Variants in IGDCC3 observed in about 807,000 individuals in gnomAD.
The protein encoded by IGDCC3 is putative neuronal cell adhesion molecule.
Under a neutral mutation model 72.0 loss-of-function variants are expected in IGDCC3, and 47 were observed. That is an observed-to-expected ratio of 0.65 (90% CI 0.52 to 0.83). The LOEUF (loss-of-function observed/expected upper bound fraction) is 0.83. Among genes scored for constraint, IGDCC3 ranks in the 40% least tolerant of loss-of-function variants. The pLI is 0.00. For synonymous variants in IGDCC3, 477 were observed against 472.8 expected (o/e 1.01, Z -0.11); for missense variants, 1,038 against 1,091.3 (o/e 0.95, Z 0.69).
intron 2 of IGDCC3, among the ~76,000 whole-genome samples, chr15:65,337,343 A>G (rs775840785): frequency 2.0e-4 from 30 of 151,976 alleles, no homozygotes; most frequent in Non-Finnish European, 1.2e-4. Flanking sequence ...CTCTTTGTAC[A>G]TGTGTGCGGG....
At chr15:65,350,402 A>T (rs1029414877) in intron 2 of IGDCC3, among the ~76,000 whole-genome samples, 1 of 151,002 alleles carries the variant, frequency 6.6e-6, no homozygotes, top group African/African-American at 2.4e-5. Flanking sequence ...CACCTGCCTC[A>T]ACCTCCCAAA....
At chr15:65,364,988 CT>C (rs1366841683) in intron 2 of IGDCC3, among the ~76,000 whole-genome samples, 3 of 152,180 alleles carry the variant, frequency 2.0e-5, no homozygotes, top group Admixed American at 2.0e-4. Context: ...GAGTGAGGCA[CT>C]GGGGAAGGCC....
intron 2 of IGDCC3, among the ~76,000 whole-genome samples, chr15:65,363,789 C>T (rs1339452328): frequency 2.0e-5 from 3 of 152,084 alleles, no homozygotes; most frequent in African/African-American, 7.2e-5. Context: ...CATCATTATG[C>T]GGAAACAAGA....
chr15:65,366,207 C>CAAAA (rs35152855), intron 2 of IGDCC3, among the ~76,000 whole-genome samples: 4 of 76,764 alleles, frequency 5.2e-5, no homozygotes, highest in Non-Finnish European at 8.1e-5. Flanking sequence ...GACATTGTCT[C>CAAAA]AAAAAAAAAA....
Position 65,327,657 on chromosome 15 carries a change from G to A in IGDCC3, c.*1252C>T, listed in dbSNP as rs2090930945. 1 of 152,546 alleles carries A rather than the reference G, an allele frequency of 6.6e-6. No homozygotes were observed. Among genetic ancestry groups the A allele is most frequent in the Admixed American group, 6.5e-5 (1 of 15,276 alleles). 9.4% of individuals were successfully genotyped at this position (152,546 alleles called of 1,614,324 possible). On this transcript the variant is annotated 3_prime_UTR_variant, in exon 14 of 14. Coordinates refer to ENST00000327987, the MANE Select transcript of IGDCC3 (RefSeq NM_004884.4). ...ACACAACAGAAAAGAGTAACAAAAA[G>A]TCACAAGAACATAACCCTTAACACA... is the stretch of plus-strand genomic sequence containing the variant.
intron 2 of IGDCC3, among the ~76,000 whole-genome samples, chr15:65,357,097 C>T (rs1478809994): frequency 6.6e-6 from 1 of 151,876 alleles, no homozygotes; most frequent in Non-Finnish European, 1.5e-5. Context: ...GGCAATCCGC[C>T]CACCTCAGCC....
intron 2 of IGDCC3, chr15:65,373,683 A>G (rs970038912): frequency 2.0e-5 from 3 of 152,606 alleles, no homozygotes; most frequent in African/African-American, 7.2e-5. Flanking sequence ...CTGCTACCAG[A>G]ATGCCATTGA....
chr15:65,333,691 T>C (rs879185891), intron 5 of IGDCC3, among the ~76,000 whole-genome samples: 1 of 152,192 alleles, frequency 6.6e-6, no homozygotes. Context: ...TTTCACAATC[T>C]GTAAAGGAGT....
rs71136346 is a variant in IGDCC3, at chr15:65,370,620, G to GTATATATA, written c.409+4469_409+4476dup. Among the ~76,000 whole-genome samples, 1,977 of 94,402 alleles carry GTATATATA rather than the reference G, an allele frequency of 0.021. 96 individuals are homozygous for GTATATATA. The East Asian group carries it at 0.22, about 10-fold the overall frequency. The allele number at this position is 94,402 out of a possible 152,430, so 61.9% of individuals were successfully genotyped here. Reference sequence around the variant, plus strand: ...TATGTATGTGTATATATATGTATGTGTATATATATATATATATATATATAT... The same window carrying GTATATATA: ...TATGTATGTGTATATATATGTATGTGTATATATATATATATATATATATATATATATAT... On this transcript the variant is annotated intron_variant, in intron 2 of 13. Transcript: ENST00000327987.
chr15:65,329,484 TG>T lies in IGDCC3; in HGVS notation c.2110del (p.Gln704SerfsTer11). 6.2e-7 allele frequency: 1 copy of T among 1,609,914 alleles called. No individual in the cohort carries two copies. The highest frequency in any genetic ancestry group is 8.5e-7 in the Non-Finnish European group (1 of 1,178,784). ...CACACGTTTCTCGTCTCGGCCCAGC[TG>T]GCCCCGCTGTCCCCGTCTCGCCCCA... ...LNGARRGQRG[Q>X]LGRDEKRVDM... On this transcript the variant is annotated frameshift_variant, in exon 13 of 14. Coordinates refer to ENST00000327987, the MANE Select transcript of IGDCC3 (RefSeq NM_004884.4). LOFTEE classifies it high-confidence loss of function. This position sits in a 1 kb window ranked among gnomAD's most constrained non-coding sequence, Gnocchi z 4.1.
intron 9 of IGDCC3, 87 bp from the exon 10 acceptor site, chr15:65,330,828 G>A: frequency 3.2e-6 from 4 of 1,240,290 alleles, no homozygotes; most frequent in Non-Finnish European, 4.5e-6. Context: ...ACCCCCAAAA[G>A]CCTGACAGCC....
intron 2 of IGDCC3, among the ~76,000 whole-genome samples, chr15:65,350,110 T>A (rs1293603284): frequency 6.6e-6 from 1 of 152,176 alleles, no homozygotes; most frequent in African/African-American, 2.4e-5. Flanking sequence ...TAATAAGAGA[T>A]CTGAAAGGAT....
chr15:65,340,094 A>AAG (rs2140145695), intron 2 of IGDCC3, among the ~76,000 whole-genome samples: 1 of 152,322 alleles, frequency 6.6e-6, no homozygotes, highest in African/African-American at 2.4e-5. Context: ...GAGTGAGCTT[A>AAG]GCAATTCACA....
chr15:65,354,461 A>G (rs903465451), intron 2 of IGDCC3, among the ~76,000 whole-genome samples: 3 of 152,126 alleles, frequency 2.0e-5, no homozygotes, highest in African/African-American at 4.8e-5. Context: ...ATATCCGCCA[A>G]AGGAAGCAGA....
At chr15:65,356,867 T>TTTTTTTTTTTTTTTTA (rs1595761331) in intron 2 of IGDCC3, among the ~76,000 whole-genome samples, 1 of 145,100 alleles carries the variant, frequency 6.9e-6, no homozygotes, top group African/African-American at 2.6e-5. Context: ...TTTTTTTTTT[T>TTTTTTTTTTTTTTTTA]GAGATGGAGT....
chr15:65,353,703 G>A (rs771557275), intron 2 of IGDCC3, among the ~76,000 whole-genome samples: 1 of 152,142 alleles, frequency 6.6e-6, no homozygotes, highest in African/African-American at 2.4e-5. Context: ...GTGACCTCTG[G>A]TCATCCTCAC....
In IGDCC3 at chr15:65,331,538, G is replaced by A. The variant is rs893492447; in HGVS notation, c.1270C>T (p.Pro424Ser). Residue 424 changes from proline (P) to serine (S), a missense_variant, in exon 8 of 14, where the codon CCC (proline) becomes TCC (serine). Transcript: ENST00000327987. ...GCCCGCACATTGCGGGGAGGCCCGG[G>A]GAGCCCCTCAGCCCACAGTACGGTC... is the stretch of plus-strand genomic sequence containing the variant. ...RLTVLWAEGL[P>S]GPPRNVRAVS... The A allele has an allele frequency of 1.2e-6, 2 of 1,613,832 alleles. No homozygotes were observed. The highest frequency in any genetic ancestry group is 1.7e-5 in the Admixed American group (1 of 60,002).
chr15:65,330,543 G>A lies in IGDCC3; in HGVS notation c.1753+7C>T, dbSNP rs756242266. ...GCCCCCTAGGCTCTGGGCTGTGTCTGCCTCACCGAGCTGGCTGAGGTTGTA... is the reference window on the plus strand; with the variant it reads ...GCCCCCTAGGCTCTGGGCTGTGTCTACCTCACCGAGCTGGCTGAGGTTGTA... On this transcript the variant is annotated splice_region_variant and intron_variant, in intron 10 of 13. Transcript: ENST00000327987. 1 of 1,612,076 alleles carries A rather than the reference G, an allele frequency of 6.2e-7. No homozygotes were observed.
rs867891534 is a variant in IGDCC3, at chr15:65,331,447, ATC to A, written c.1359_1360del (p.Glu453AspfsTer13). ...CCTGATGTGCAGGACGTAGCCGATG[ATC>A]TCCTTGGTGTTGGCCAGCGGCTCAC... is the stretch of plus-strand genomic sequence containing the variant. On this transcript the variant is annotated frameshift_variant, in exon 8 of 14. Transcript: ENST00000327987. LOFTEE classifies it high-confidence loss of function. 6.2e-6 allele frequency: 10 copies of A among 1,611,580 alleles called. No homozygotes were observed. Among genetic ancestry groups the A allele is most frequent in the Non-Finnish European group, 8.5e-6 (10 of 1,178,626 alleles).
Sources: gnomAD v4.1 joint callset for allele counts (sites outside exome capture counted in the v4.1 genomes callset) on GRCh38, gnomAD v4.1.1 for gene constraint, Gnocchi (gnomAD v3.1) non-coding constraint, MANE v1.5 for transcripts, NCBI Gene and HGNC (gene_info 2026-07-23, HGNC 2026-07-21) for gene names.